RUSC1: variants seen among roughly 807,000 people sequenced by gnomAD.
The protein encoded by RUSC1 is AP-4 complex accessory subunit RUSC1.
RUSC1 carries 40 observed loss-of-function variants against 72.1 expected under a neutral mutation model. That is an observed-to-expected ratio of 0.55 (90% confidence interval 0.43 to 0.72). RUSC1 has a LOEUF of 0.72. Ranked by LOEUF, RUSC1 falls within the 30% of genes least tolerant of loss-of-function variation. The pLI is 0.00. For missense variants in RUSC1, 1,092 were observed against 1,172.3 expected, an observed-to-expected ratio of 0.93 and a Z score of 1.00; for synonymous variants, 512 against 494.2, an observed-to-expected ratio of 1.04 and a Z score of -0.48.
rs1391527316 is a variant in RUSC1 at position 155,320,903 on chromosome 1, C to A, written c.-175C>A. 1.3e-6 allele frequency: 2 copies of A among 1,593,430 alleles called. No individual in the cohort carries two copies. The highest frequency in any genetic ancestry group is 1.7e-6 in the Non-Finnish European group (2 of 1,170,596). On this transcript the variant is annotated 5_prime_UTR_variant, in exon 1 of 10. Coordinates refer to ENST00000368352, the MANE Select transcript of RUSC1 (RefSeq NM_001105203.2). Reference sequence around the variant, plus strand: ...CAGCGCAGGGTAGGTTGTGCTAGTGCCCCTCCCCTCCCGCTCTGTGCCCCG... The same window carrying A: ...CAGCGCAGGGTAGGTTGTGCTAGTGACCCTCCCCTCCCGCTCTGTGCCCCG...
chr1:155,325,775 C>A lies in RUSC1; in HGVS notation c.1815-89C>A. On this transcript the variant is annotated intron_variant, in intron 6 of 9. Transcript: ENST00000368352. This position sits in a 1 kb window ranked among gnomAD's most constrained non-coding sequence, Gnocchi z 6.5. ...CCTCACATCCCCAGAGAAGGCCCCCCCTCTTCCAATCTCATCTCCCATCCT... is the reference window on the plus strand; with the variant it reads ...CCTCACATCCCCAGAGAAGGCCCCCACTCTTCCAATCTCATCTCCCATCCT... 3 of 1,583,118 alleles carry A rather than the reference C, an allele frequency of 1.9e-6. No individual in the cohort carries two copies. The highest frequency in any genetic ancestry group is 1.7e-6 in the Non-Finnish European group (2 of 1,152,598).
Position 155,325,365 on chromosome 1 carries a change from T to A in RUSC1, c.1583T>A (p.Leu528Gln). Residue 528 changes from leucine (L) to glutamine (Q), a missense_variant, in exon 5 of 10, where the codon CTG becomes CAG. Transcript: ENST00000368352. This position sits in a 1 kb window ranked among gnomAD's most constrained non-coding sequence, Gnocchi z 6.5. ...RLSPDVGHLV[L>Q]TTLCPALHAL... ...AGCCCGGATGTGGGGCACCTGGTGCTGACCACCCTCTGCCCGGCCCTCCAC... is the reference window on the plus strand; with the variant it reads ...AGCCCGGATGTGGGGCACCTGGTGCAGACCACCCTCTGCCCGGCCCTCCAC... The A allele has an allele frequency of 6.3e-7, 1 of 1,597,736 alleles. No homozygotes were observed. Among genetic ancestry groups the A allele is most frequent in the Non-Finnish European group, 8.5e-7 (1 of 1,176,426 alleles).
At chr1:155,321,660 G>A in intron 1 of RUSC1, 28 bp from the exon 2 acceptor site, 2 of 1,430,436 alleles carry the variant, frequency 1.4e-6, no homozygotes, top group Admixed American at 3.7e-5. Context: ...GTCCTCACTG[G>A]CCGGGCTTCA....
chr1:155,327,449 T>G (rs1344802020), intron 8 of RUSC1, among the ~76,000 whole-genome samples: 3 of 152,130 alleles, frequency 2.0e-5, no homozygotes, highest in African/African-American at 7.2e-5. Flanking sequence ...AAGACAGCCC[T>G]CAGTATATGT....
intron 2 of RUSC1, chr1:155,324,630 G>C: frequency 6.6e-7 from 1 of 1,520,508 alleles, no homozygotes; most frequent in Admixed American, 2.3e-5. Context: ...AACCGGGATG[G>C]GGCTGGGGGA....
intron 2 of RUSC1, chr1:155,324,473 GCGCTGGGCTA>G: frequency 1.9e-6 from 3 of 1,610,118 alleles, no homozygotes; most frequent in Non-Finnish European, 2.5e-6. Context: ...CCGGGGCGGT[GCGCTGGGCTA>G]CACCTCCCTC....
Position 155,326,698 on chromosome 1 carries a change from C to G in RUSC1, c.1980C>G (p.His660Gln). The G allele has an allele frequency of 6.2e-7, 1 of 1,613,676 alleles. No individual in the cohort carries two copies. The highest frequency in any genetic ancestry group is 1.7e-5 in the Admixed American group (1 of 60,030). Reference protein sequence around the residue: ...LLQPLSVLTFHLDLLFEHHHH... With the variant: ...LLQPLSVLTFQLDLLFEHHHH... ...AGCCATTGTCGGTGCTCACTTTCCACCTGGACCTGCTCTTTGAGCACCACC... is the reference window on the plus strand; with the variant it reads ...AGCCATTGTCGGTGCTCACTTTCCAGCTGGACCTGCTCTTTGAGCACCACC... The change falls in exon 8 of 10, where the codon CAC becomes CAG. Residue 660 changes from histidine to glutamine, a missense_variant. His to Gln is a conservative substitution (Grantham distance 24). Coordinates refer to ENST00000368352, the MANE Select transcript of RUSC1 (RefSeq NM_001105203.2). The surrounding 1 kb of genome is among the most constrained non-coding windows in gnomAD (Gnocchi z 4.7).
chr1:155,321,283 C>T, intron 1 of RUSC1: 1 of 1,369,318 alleles, frequency 7.3e-7, no homozygotes, highest in Non-Finnish European at 9.8e-7. Flanking sequence ...CGTATTGCCC[C>T]ACCCCCATCC....
Position 155,324,283 on chromosome 1 carries a change from T to TGAAGAGGGCACCCTCCGC in RUSC1, c.1358-561_1358-544dup. On this transcript the variant is annotated intron_variant, in intron 2 of 9. Transcript: ENST00000368352. ...TCCGCGAGTCCAGTCCCACGCGGGATGAAGAGGGCACCCTCCGCCAAGAGG... is the reference window on the plus strand; with the variant it reads ...TCCGCGAGTCCAGTCCCACGCGGGATGAAGAGGGCACCCTCCGCGAAGAGGGCACCCTCCGCCAAGAGG... 2.0e-6 allele frequency: 3 copies of TGAAGAGGGCACCCTCCGC among 1,537,788 alleles called. No individual in the cohort carries two copies. In the South Asian group the frequency reaches 3.8e-5, roughly 19 times the overall value.
rs1570900367 is a variant in RUSC1, at chr1:155,325,056, G to A, written c.1457-46G>A. 6.2e-7 allele frequency: 1 copy of A among 1,614,112 alleles called. No individual in the cohort carries two copies. Among genetic ancestry groups the A allele is most frequent in the Non-Finnish European group, 8.5e-7 (1 of 1,179,978 alleles). On this transcript the variant is annotated intron_variant, in intron 3 of 9. Transcript: ENST00000368352. The surrounding 1 kb of genome is among the most constrained non-coding windows in gnomAD (Gnocchi z 6.5). ...CTCCACGCCCCTCGGGCAAGCCTGG[G>A]TAGGGGCGCGGCCTCCTAGCGTCTT...
At position 155,326,062 on chromosome 1, in the gene RUSC1, C is replaced by T; in HGVS notation, c.1861+152C>T. On this transcript the variant is annotated intron_variant, in intron 7 of 9. Coordinates refer to ENST00000368352, the MANE Select transcript of RUSC1 (RefSeq NM_001105203.2). This position sits in a 1 kb window ranked among gnomAD's most constrained non-coding sequence, Gnocchi z 4.7. ...TCTAATTAAAACTTTCTAAGGAGGC[C>T]CATCGCCCATAGGATGAAAGACCCA... The T allele has an allele frequency of 1.2e-6, 1 of 825,824 alleles. No individual in the cohort carries two copies. Among genetic ancestry groups the T allele is most frequent in the East Asian group, 2.6e-5 (1 of 38,164 alleles). The allele number at this position is 825,824 out of a possible 1,614,324, so 51.2% of individuals were successfully genotyped here.
At position 155,322,465 on chromosome 1, in the gene RUSC1, T is replaced by A. The variant is rs202105259; in HGVS notation, c.692T>A (p.Ile231Asn). ...GGGAAAACGGAGCCCAGTTGGAAGA[T>A]TAACCCAATTTGGAAAATTGACACA... Reference protein sequence around the residue: ...DAGKTEPSWKINPIWKIDTEK... With the variant: ...DAGKTEPSWKNNPIWKIDTEK... Residue 231 changes from isoleucine to asparagine, a missense_variant, in exon 2 of 10, where the codon ATT becomes AAT. Coordinates refer to ENST00000368352, the MANE Select transcript of RUSC1 (RefSeq NM_001105203.2). 1 of 1,613,620 alleles carries A rather than the reference T, an allele frequency of 6.2e-7. No individual in the cohort carries two copies. The highest frequency in any genetic ancestry group is 1.3e-5 in the African/African-American group (1 of 74,866).
At chr1:155,321,537 T>A in intron 1 of RUSC1, 151 bp from the exon 2 acceptor site, 1 of 1,387,202 alleles carries the variant, frequency 7.2e-7, no homozygotes, top group East Asian at 2.5e-5. Context: ...CAGTGGAAAC[T>A]AATGGTCAGT....
chr1:155,324,806 C>T (rs549283885), intron 2 of RUSC1, 39 bp from the exon 3 acceptor site: 14 of 1,614,146 alleles, frequency 8.7e-6, no homozygotes, highest in Middle Eastern at 1.7e-4. Flanking sequence ...CGGAATAACA[C>T]TTGGTAAGTG....
rs745553193 is a variant in RUSC1 at position 155,322,733 on chromosome 1, C to T, written c.960C>T (p.Ala320=). 2 of 1,614,182 alleles carry T rather than the reference C, an allele frequency of 1.2e-6. No homozygotes were observed. The highest frequency in any genetic ancestry group is 2.2e-5 in the South Asian group (2 of 91,086). The change falls in exon 2 of 10, where the codon GCC becomes GCT. Residue 320 remains alanine, a synonymous_variant. Transcript: ENST00000368352. ...HRTITSFHEL[A]QKRKRGPGLP... Reference sequence around the variant, plus strand: ...CAATCACGTCCTTCCACGAGCTGGCCCAGAAGCGCAAGCGGGGCCCAGGGC... The same window carrying T: ...CAATCACGTCCTTCCACGAGCTGGCTCAGAAGCGCAAGCGGGGCCCAGGGC...
rs765453731 is a variant in RUSC1, at chr1:155,322,538, T to C, written c.765T>C (p.Gly255=). The part of the protein sequence containing the change: ...EWKTTENNNT[G]WKNNGNVNSS... Reference sequence around the variant, plus strand: ...AAACCACTGAAAACAATAACACTGGTTGGAAAAACAACGGGAATGTTAACT... The same window carrying C: ...AAACCACTGAAAACAATAACACTGGCTGGAAAAACAACGGGAATGTTAACT... Residue 255 remains glycine (G), a synonymous_variant, in exon 2 of 10, where the codon GGT becomes GGC. Coordinates refer to ENST00000368352, the MANE Select transcript of RUSC1 (RefSeq NM_001105203.2). 3 of 1,613,854 alleles carry C rather than the reference T, an allele frequency of 1.9e-6. No individual in the cohort carries two copies. The highest frequency in any genetic ancestry group is 3.3e-5 in the Admixed American group (2 of 59,990).
rs1301263281 is a variant in RUSC1, at chr1:155,325,852, T to C, written c.1815-12T>C. 1 of 1,613,960 alleles carries C rather than the reference T, an allele frequency of 6.2e-7. No individual in the cohort carries two copies. Among genetic ancestry groups the C allele is most frequent in the Non-Finnish European group, 8.5e-7 (1 of 1,179,988 alleles). ...ACCTCCCTGAACTTCCATTCCCTCTTTTCTCCCCTAGCACCAAGCAGTTGG... is the reference window on the plus strand; with the variant it reads ...ACCTCCCTGAACTTCCATTCCCTCTCTTCTCCCCTAGCACCAAGCAGTTGG... On this transcript the variant is annotated splice_polypyrimidine_tract_variant and intron_variant, in intron 6 of 9. Transcript: ENST00000368352. This position sits in a 1 kb window ranked among gnomAD's most constrained non-coding sequence, Gnocchi z 6.5.
rs748830931 is a variant in RUSC1, at chr1:155,322,600, G to T, written c.827G>T (p.Gly276Val). ...WKSEPEKFDSGWKTNTRITDS... is the reference protein window; with the variant it reads ...WKSEPEKFDSVWKTNTRITDS... Reference sequence around the variant, plus strand: ...AGTGAACCTGAAAAATTCGACTCTGGTTGGAAAACCAACACAAGAATAACT... The same window carrying T: ...AGTGAACCTGAAAAATTCGACTCTGTTTGGAAAACCAACACAAGAATAACT... The change falls in exon 2 of 10, where the codon GGT (glycine) becomes GTT (valine). Residue 276 changes from glycine to valine, a missense_variant. Gly to Val is a moderately radical substitution (Grantham distance 109). Coordinates refer to ENST00000368352, the MANE Select transcript of RUSC1 (RefSeq NM_001105203.2). 5.0e-6 allele frequency: 8 copies of T among 1,614,128 alleles called. No individual in the cohort carries two copies. The East Asian group carries it at 8.9e-5, about 18-fold the overall frequency.
In RUSC1 at chr1:155,322,077, T is replaced by C; in HGVS notation, c.304T>C (p.Cys102Arg). 6.2e-7 allele frequency: 1 copy of C among 1,613,872 alleles called. No homozygotes were observed. Among genetic ancestry groups the C allele is most frequent in the Non-Finnish European group, 8.5e-7 (1 of 1,179,824 alleles). ...EGAASPSDPG[C>R]SSSLSSCSDL... Reference sequence around the variant, plus strand: ...GGCTGCCTCTCCCTCAGACCCAGGCTGCTCCTCCTCACTCAGCTCCTGCTC... The same window carrying C: ...GGCTGCCTCTCCCTCAGACCCAGGCCGCTCCTCCTCACTCAGCTCCTGCTC... Residue 102 changes from cysteine (C) to arginine (R), a missense_variant, in exon 2 of 10, where the codon TGC becomes CGC. Physicochemically the swap from Cys to Arg is radical, Grantham distance 180. Coordinates refer to ENST00000368352, the MANE Select transcript of RUSC1 (RefSeq NM_001105203.2).
Sources: allele counts gnomAD v4.1 joint callset (sites outside exome capture counted in the v4.1 genomes callset), GRCh38; gene constraint gnomAD v4.1.1; non-coding constraint Gnocchi (gnomAD v3.1); transcripts MANE v1.5; gene names NCBI Gene and HGNC (gene_info 2026-07-23, HGNC 2026-07-21).